PAAF1: variants seen among roughly 807,000 people sequenced by gnomAD.
The protein encoded by PAAF1 is proteasomal ATPase associated factor 1.
In PAAF1, 46 loss-of-function variants were observed where a neutral mutation model predicts 52.8. That is an observed-to-expected ratio of 0.87 (90% CI 0.69 to 1.11). PAAF1 has a LOEUF of 1.11. Among genes scored for constraint, PAAF1 ranks in the 50% most tolerant of loss-of-function variants. PAAF1 has a pLI of 0.00. For synonymous variants in PAAF1, 178 were observed against 172.8 expected (o/e 1.03, Z -0.24); for missense variants, 424 against 477.4 (o/e 0.89, Z 1.04).
At chr11:73,912,525 C>G (rs769609726) in intron 7 of PAAF1, among the ~76,000 whole-genome samples, 3 of 152,150 alleles carry the variant, frequency 2.0e-5, no homozygotes, top group Non-Finnish European at 2.9e-5. Context: ...CTCCCTCCCC[C>G]TCTCTCCCTT....
At chr11:73,908,403 ATATATATGTGTG>A (rs1565143980) in intron 6 of PAAF1, among the ~76,000 whole-genome samples, 1 of 148,722 alleles carries the variant, frequency 6.7e-6, no homozygotes, top group Non-Finnish European at 1.5e-5. Flanking sequence ...ATATATGTGT[ATATATATGTGTG>A]TATATATATA....
At chr11:73,883,513 GTTTC>G (rs200384305) in intron 2 of PAAF1, among the ~76,000 whole-genome samples, 35 of 151,820 alleles carry the variant, frequency 2.3e-4, no homozygotes, top group Admixed American at 4.6e-4. Context: ...TTAGTATAAT[GTTTC>G]TTTCTTTCTT....
chr11:73,922,618 C>G (rs1269179688), intron 10 of PAAF1, among the ~76,000 whole-genome samples: 11 of 152,006 alleles, frequency 7.2e-5, no homozygotes, highest in Non-Finnish European at 1.3e-4. Flanking sequence ...GAGATCGAGA[C>G]CATCCTGGCT....
intron 2 of PAAF1, among the ~76,000 whole-genome samples, chr11:73,885,225 G>A (rs919258148): frequency 6.6e-6 from 1 of 151,810 alleles, no homozygotes; most frequent in Non-Finnish European, 1.5e-5. Context: ...TGCAACCTCT[G>A]CTTGCCAGGT....
At position 73,900,293 on chromosome 11, in the gene PAAF1, T is replaced by C. The variant is rs752148085; in HGVS notation, c.405T>C (p.Phe135=). ...AGAGAGTATTGGAAGGACATGTGTTTGATGTGAATTGTTGCAGGTTTTTCC... is the reference window on the plus strand; with the variant it reads ...AGAGAGTATTGGAAGGACATGTGTTCGATGTGAATTGTTGCAGGTTTTTCC... ...ELRRVLEGHV[F]DVNCCRFFPS... Residue 135 remains phenylalanine, a synonymous_variant, in exon 6 of 12, where the codon TTT becomes TTC. Coordinates refer to ENST00000310571, the MANE Select transcript of PAAF1 (RefSeq NM_025155.3). 38 of 1,610,470 alleles carry C rather than the reference T, an allele frequency of 2.4e-5. No individual in the cohort carries two copies. The highest frequency in any genetic ancestry group is 2.6e-5 in the Non-Finnish European group (31 of 1,177,984).
At chr11:73,886,380 A>G (rs1056887311) in intron 2 of PAAF1, among the ~76,000 whole-genome samples, 3 of 152,158 alleles carry the variant, frequency 2.0e-5, no homozygotes, top group Non-Finnish European at 2.9e-5. Flanking sequence ...AGTCTTGAAA[A>G]TGTATTTTAG....
rs1297989905 is a variant in PAAF1, at chr11:73,897,044, T to C, written c.283-2102T>C. 3.4e-5 allele frequency among the ~76,000 whole-genome samples: 4 copies of C among 117,194 alleles called. No individual in the cohort carries two copies. The East Asian group carries it at 1.2e-3, about 35-fold the overall frequency. The allele number at this position is 117,194 out of a possible 152,430, so 76.9% of individuals were successfully genotyped here. ...GGCAGAGGGGCTCCTCACTTCCCAG[T>C]AGGGGCGGCCGGGCAGAGGCGCCCC... is the stretch of plus-strand genomic sequence containing the variant. On this transcript the variant is annotated intron_variant, in intron 4 of 11. Coordinates refer to ENST00000310571, the MANE Select transcript of PAAF1 (RefSeq NM_025155.3).
At chr11:73,907,692 A>G (rs73549971) in intron 6 of PAAF1, among the ~76,000 whole-genome samples, 5 of 152,252 alleles carry the variant, frequency 3.3e-5, no homozygotes, top group Non-Finnish European at 7.4e-5. Flanking sequence ...GCCGGCTTCC[A>G]TGGGAGCGGG....
At chr11:73,894,362 G>T (rs1949287667) in intron 4 of PAAF1, among the ~76,000 whole-genome samples, 1 of 152,114 alleles carries the variant, frequency 6.6e-6, no homozygotes. Context: ...AAAATAGGCT[G>T]GTTGTAGTGG....
At chr11:73,906,778 G>A (rs1030536243) in intron 6 of PAAF1, among the ~76,000 whole-genome samples, 2 of 152,160 alleles carry the variant, frequency 1.3e-5, no homozygotes, top group Admixed American at 6.5e-5. Context: ...TGTACGTTAC[G>A]CTGAGTTGCT....
At chr11:73,912,201 C>T (rs1949952135) in intron 7 of PAAF1, among the ~76,000 whole-genome samples, 1 of 152,166 alleles carries the variant, frequency 6.6e-6, no homozygotes, top group African/African-American at 2.4e-5. Flanking sequence ...CAGTTTCTTC[C>T]TTTGTGACCT....
At chr11:73,912,082 A>C (rs1949949293) in intron 7 of PAAF1, among the ~76,000 whole-genome samples, 1 of 151,174 alleles carries the variant, frequency 6.6e-6, no homozygotes, top group African/African-American at 2.4e-5. Context: ...TTTTCTTCCT[A>C]TTTCATTGAC....
intron 2 of PAAF1, among the ~76,000 whole-genome samples, chr11:73,885,285 A>T (rs1236696291): frequency 6.6e-6 from 1 of 151,792 alleles, no homozygotes; most frequent in Non-Finnish European, 1.5e-5. Flanking sequence ...CTGGGACTAC[A>T]GGCACGTGCC....
chr11:73,900,460 C>T (rs1453140258), intron 6 of PAAF1, 40 bp downstream of exon 6: 2 of 1,506,876 alleles, frequency 1.3e-6, no homozygotes, highest in East Asian at 4.7e-5. Context: ...CTCTAATGAT[C>T]CCCAGAAATG....
At position 73,916,636 on chromosome 11, in the gene PAAF1, A is replaced by G; in HGVS notation, c.911A>G (p.Tyr304Cys). 6.2e-7 allele frequency: 1 copy of G among 1,613,982 alleles called. No individual in the cohort carries two copies. The part of the protein sequence containing the change: ...LLAGTQDGNI[Y>C]QLDVRSPRAP... ...GCTGGGACTCAAGATGGAAACATTT[A>G]TCAGCTGGATGTGAGGAGTCCAAGG... Residue 304 changes from tyrosine (Y) to cysteine (C), a missense_variant, in exon 9 of 12, where the codon TAT (tyrosine) becomes TGT (cysteine). Coordinates refer to ENST00000310571, the MANE Select transcript of PAAF1 (RefSeq NM_025155.3).
Position 73,891,120 on chromosome 11 carries a change from T to G in PAAF1, c.201T>G (p.Ile67Met). Residue 67 changes from isoleucine to methionine, a missense_variant, in exon 4 of 12, where the codon ATT (isoleucine) becomes ATG (methionine). Ile to Met is a conservative substitution (Grantham distance 10). Coordinates refer to ENST00000310571, the MANE Select transcript of PAAF1 (RefSeq NM_025155.3). ...FTVNEINKKS[I>M]HISCPKENAS... is the part of the protein sequence containing the mutation. ...TTTTCCTCTTTGTTTAGAAAAGCAT[T>G]CATATTTCATGTCCAAAGGAAAATG... 1 of 1,587,848 alleles carries G rather than the reference T, an allele frequency of 6.3e-7. No individual in the cohort carries two copies. The highest frequency in any genetic ancestry group is 8.6e-7 in the Non-Finnish European group (1 of 1,158,588).
intron 7 of PAAF1, among the ~76,000 whole-genome samples, chr11:73,913,740 T>G (rs1202950072): frequency 1.3e-5 from 2 of 152,064 alleles, no homozygotes; most frequent in Non-Finnish European, 2.9e-5. Flanking sequence ...TGATACATAG[T>G]AGGCCCTAAA....
At chr11:73,922,816 C>CAAA (rs372724683) in intron 10 of PAAF1, among the ~76,000 whole-genome samples, 10 of 77,650 alleles carry the variant, frequency 1.3e-4, no homozygotes, top group East Asian at 4.0e-4. Flanking sequence ...GACTCCGTCT[C>CAAA]AAAAAAAAAA....
intron 11 of PAAF1, among the ~76,000 whole-genome samples, 182 bp downstream of exon 11, chr11:73,924,879 A>G (rs1340228327): frequency 6.6e-6 from 1 of 152,136 alleles, no homozygotes; most frequent in Non-Finnish European, 1.5e-5. Flanking sequence ...TGGGCCAGGC[A>G]TGGTGGCTCA....
Sources: gnomAD v4.1 joint callset for allele counts (sites outside exome capture counted in the v4.1 genomes callset) on GRCh38, gnomAD v4.1.1 for gene constraint, MANE v1.5 for transcripts, NCBI Gene and HGNC (gene_info 2026-07-23, HGNC 2026-07-21) for gene names.